Variants in FGGY observed in about 807,000 individuals in gnomAD.
The protein encoded by FGGY is FGGY carbohydrate kinase domain-containing protein.
In FGGY, 72 loss-of-function variants were observed where a neutral mutation model predicts 71.3. The observed-to-expected ratio is 1.01, with a 90% confidence interval of 0.84 to 1.23. The LOEUF (loss-of-function observed/expected upper bound fraction) is 1.23, where lower values mean the gene tolerates loss of function less well. FGGY is among the 50% of genes most tolerant of loss of function. The probability of loss-of-function intolerance (pLI) is 0.00; values close to 1 mark genes in which losing one functional copy is unlikely to be tolerated. For missense variants in FGGY, 668 were observed against 682.3 expected, an observed-to-expected ratio of 0.98 and a Z score of 0.23; for synonymous variants, 251 against 250.3, an observed-to-expected ratio of 1.00 and a Z score of -0.02.
intron 8 of FGGY, among the ~76,000 whole-genome samples, chr1:59,578,878 C>T (rs1428801106): frequency 6.6e-6 from 1 of 152,056 alleles, no homozygotes; most frequent in Non-Finnish European, 1.5e-5. Context: ...GCTTTAATAG[C>T]TCCCATCTTA....
intron 15 of FGGY, among the ~76,000 whole-genome samples, chr1:59,758,518 T>C (rs527886199): frequency 6.6e-6 from 1 of 152,330 alleles, no homozygotes; most frequent in Non-Finnish European, 1.5e-5. Flanking sequence ...AACAACGGGA[T>C]AAGTTCCACA....
At chr1:59,492,761 C>G (rs1270345316) in intron 6 of FGGY, among the ~76,000 whole-genome samples, 4 of 152,050 alleles carry the variant, frequency 2.6e-5, no homozygotes, top group African/African-American at 4.8e-5. Context: ...AGTACTGAGT[C>G]TGCCTTTTTA....
intron 8 of FGGY, among the ~76,000 whole-genome samples, chr1:59,565,409 T>C (rs1478477641): frequency 6.6e-6 from 1 of 152,092 alleles, no homozygotes; most frequent in Non-Finnish European, 1.5e-5. Flanking sequence ...CTCAGCCTCC[T>C]GAGTAGCTGG....
rs148483077 is a variant in FGGY at position 59,583,608 on chromosome 1, C to A, written c.904-24195C>A. ...AATGGACTGCGCATGGAGGAAGCTT[C>A]ATGGGGGGCACACCTGAGGGGCATT... On this transcript the variant is annotated intron_variant, in intron 8 of 15. Coordinates refer to ENST00000303721, the MANE Select transcript of FGGY (RefSeq NM_018291.5). 3.5e-3 allele frequency among the ~76,000 whole-genome samples: 495 copies of A among 142,206 alleles called. 96 individuals carry two copies. Among genetic ancestry groups the A allele is most frequent in the African/African-American group, 0.013 (484 of 36,160 alleles). The allele number at this position is 142,206 out of a possible 152,430, so 93.3% of individuals were successfully genotyped here. A position where few individuals can be genotyped will look rare whatever the true frequency, so the allele number is the denominator to read the frequency against.
chr1:59,703,635 C>T (rs1573456713), intron 14 of FGGY, among the ~76,000 whole-genome samples: 1 of 152,224 alleles, frequency 6.6e-6, no homozygotes, highest in Non-Finnish European at 1.5e-5. Flanking sequence ...CTACTTCTAA[C>T]TTGCAGAAGA....
At chr1:59,467,624 A>C (rs2153537561) in intron 6 of FGGY, among the ~76,000 whole-genome samples, 1 of 152,164 alleles carries the variant, frequency 6.6e-6, no homozygotes, top group South Asian at 2.1e-4. Context: ...TACTACAATA[A>C]TTGTCTTTTA....
chr1:59,727,694 C>A (rs1241859662), intron 14 of FGGY, among the ~76,000 whole-genome samples: 1 of 152,262 alleles, frequency 6.6e-6, no homozygotes, highest in East Asian at 1.9e-4. Context: ...TTAGAAAAGC[C>A]TATTCTAAAG....
At chr1:59,349,559 G>T (rs1190279437) in intron 4 of FGGY, among the ~76,000 whole-genome samples, 2 of 152,134 alleles carry the variant, frequency 1.3e-5, no homozygotes, top group Admixed American at 1.3e-4. Flanking sequence ...ATAGGAAATA[G>T]TTAAAGTCTA....
At chr1:59,712,511 A>G (rs551909476) in intron 14 of FGGY, among the ~76,000 whole-genome samples, 2 of 152,198 alleles carry the variant, frequency 1.3e-5, no homozygotes, top group Non-Finnish European at 2.9e-5. Context: ...GAGGTTCTCC[A>G]AGAGGACCTC....
chr1:59,571,953 G>C (rs2095994067), intron 8 of FGGY, among the ~76,000 whole-genome samples: 1 of 152,158 alleles, frequency 6.6e-6, no homozygotes, highest in South Asian at 2.1e-4. Flanking sequence ...ACAAGCAAGG[G>C]AATAATTACC....
chr1:59,369,370 G>A (rs183785568), intron 4 of FGGY, among the ~76,000 whole-genome samples: 3,608 of 152,316 alleles, frequency 0.024, 151 homozygotes, highest in African/African-American at 0.082. Context: ...AGGAGCGCCC[G>A]CCATTGCCCA....
chr1:59,444,498 C>T (rs1219860968), intron 5 of FGGY, among the ~76,000 whole-genome samples: 1 of 151,918 alleles, frequency 6.6e-6, no homozygotes, highest in Non-Finnish European at 1.5e-5. Context: ...GAACAGGGCT[C>T]CCCAACCCCA....
In FGGY at chr1:59,491,056, TTCC is replaced by T. The variant is rs2093831625; in HGVS notation, c.671-21253_671-21251del. Among the ~76,000 whole-genome samples the T allele has an allele frequency of 1.5e-4, 3 of 20,430 alleles. 1 individual carries two copies. Among genetic ancestry groups the T allele is most frequent in the Non-Finnish European group, 1.8e-4 (2 of 11,318 alleles). The allele number at this position is 20,430 out of a possible 152,430, so 13.4% of individuals were successfully genotyped here. ...TTCCTTTCCTTCCTTCCTTCCTTCC[TTCC>T]TTCCTTCCTTCCTTCCTTCCTTCCT... On this transcript the variant is annotated intron_variant, in intron 6 of 15. Transcript: ENST00000303721.
chr1:59,386,660 T>C (rs1251553380), intron 5 of FGGY, among the ~76,000 whole-genome samples: 2 of 152,116 alleles, frequency 1.3e-5, no homozygotes, highest in East Asian at 3.9e-4. Context: ...TATATTACTT[T>C]GAATTATTCT....
At chr1:59,407,531 C>A (rs1204569550) in intron 5 of FGGY, among the ~76,000 whole-genome samples, 2 of 152,096 alleles carry the variant, frequency 1.3e-5, no homozygotes, top group Non-Finnish European at 2.9e-5. Flanking sequence ...TTCCCTTGAA[C>A]CTGACTAGCT....
At chr1:59,616,761 ATGCCTAATATTATTT>A (rs1415111409) in intron 9 of FGGY, among the ~76,000 whole-genome samples, 3 of 152,148 alleles carry the variant, frequency 2.0e-5, no homozygotes, top group Non-Finnish European at 4.4e-5. Flanking sequence ...CATAATTACA[ATGCCTAATATTATTT>A]TGAAGGCTTG....
At chr1:59,760,683 G>T (rs1224213716) in intron 15 of FGGY, among the ~76,000 whole-genome samples, 1 of 152,136 alleles carries the variant, frequency 6.6e-6, no homozygotes, top group African/African-American at 2.4e-5. Flanking sequence ...AGTGAAATAA[G>T]ATAACCACAA....
chr1:59,531,165 G>A (rs1009759989), intron 7 of FGGY, among the ~76,000 whole-genome samples: 1 of 152,200 alleles, frequency 6.6e-6, no homozygotes, highest in Non-Finnish European at 1.5e-5. Flanking sequence ...AGGATTGAGT[G>A]TAAGTCTCAA....
chr1:59,594,788 G>A (rs1173731784), intron 8 of FGGY, among the ~76,000 whole-genome samples: 1 of 152,172 alleles, frequency 6.6e-6, no homozygotes, highest in Admixed American at 6.5e-5. Flanking sequence ...AGGGTTCTGT[G>A]GGAATTCACA....
Sources: gnomAD v4.1 joint callset for allele counts (sites outside exome capture counted in the v4.1 genomes callset) on GRCh38, gnomAD v4.1.1 for gene constraint, MANE v1.5 for transcripts, NCBI Gene and HGNC (gene_info 2026-07-23, HGNC 2026-07-21) for gene names.